The following CCSER1 variants were observed in gnomAD, a reference collection of about 807,000 sequenced individuals.
The protein encoded by CCSER1 is coiled-coil serine rich protein 1.
In CCSER1, 41 loss-of-function variants were observed where a neutral mutation model predicts 82.0. The ratio of observed to expected loss-of-function variants is 0.50; its 90% CI spans 0.39 to 0.65. The LOEUF (loss-of-function observed/expected upper bound fraction) is 0.65. CCSER1 is among the 30% of genes least tolerant of loss of function. The probability of loss-of-function intolerance (pLI) is 0.00; values close to 1 mark genes in which losing one functional copy is unlikely to be tolerated. For synonymous variants in CCSER1, 414 were observed against 383.9 expected (o/e 1.08, Z -0.92); for missense variants, 1,119 against 1,064.2 (o/e 1.05, Z -0.72).
intron 10 of CCSER1, among the ~76,000 whole-genome samples, chr4:91,150,598 G>A (rs965160694): frequency 5.3e-5 from 8 of 152,132 alleles, no homozygotes; most frequent in Non-Finnish European, 7.4e-5. Flanking sequence ...TGCCCATTCA[G>A]TATGTTACTG....
intron 7 of CCSER1, among the ~76,000 whole-genome samples, chr4:90,804,105 GT>G (rs1160137885): frequency 6.6e-6 from 1 of 152,120 alleles, no homozygotes; most frequent in African/African-American, 2.4e-5. Flanking sequence ...GTAGATTCTG[GT>G]TATTACTCCT....
At chr4:90,368,882 A>G (rs1211299795) in intron 3 of CCSER1, among the ~76,000 whole-genome samples, 1 of 152,016 alleles carries the variant, frequency 6.6e-6, no homozygotes, top group African/African-American at 2.4e-5. Context: ...CATTATTAGA[A>G]GCAAAACTTA....
At chr4:90,189,175 G>A (rs9307081) in intron 1 of CCSER1, among the ~76,000 whole-genome samples, 47,077 of 151,620 alleles carry the variant, frequency 0.31, 10,141 homozygotes, top group East Asian at 0.64. Context: ...ATGTTGTCAC[G>A]AGAAGGAAGG....
At chr4:90,429,704 A>G (rs1227125959) in intron 4 of CCSER1, among the ~76,000 whole-genome samples, 1 of 151,830 alleles carries the variant, frequency 6.6e-6, no homozygotes, top group African/African-American at 2.4e-5. Flanking sequence ...TTCAGAAAAT[A>G]TAGAGTGGAC....
intron 9 of CCSER1, among the ~76,000 whole-genome samples, chr4:90,980,782 A>C (rs1736042223): frequency 6.6e-6 from 1 of 151,808 alleles, no homozygotes. Flanking sequence ...CCTGGACCAC[A>C]TAGAATGAGA....
chr4:90,650,828 C>T (rs1419159309), intron 6 of CCSER1, among the ~76,000 whole-genome samples: 1 of 152,138 alleles, frequency 6.6e-6, no homozygotes, highest in African/African-American at 2.4e-5. Flanking sequence ...TTTTCTTCTC[C>T]ATTTCTATAA....
chr4:90,558,979 G>A (rs549293187), intron 5 of CCSER1, among the ~76,000 whole-genome samples: 3 of 152,218 alleles, frequency 2.0e-5, no homozygotes. Context: ...ATGTAGACAA[G>A]GTCTGCTGTA....
At chr4:91,168,872 T>G (rs895839232) in intron 10 of CCSER1, among the ~76,000 whole-genome samples, 1 of 152,184 alleles carries the variant, frequency 6.6e-6, no homozygotes, top group Admixed American at 6.5e-5. Flanking sequence ...TTCTTCTGCC[T>G]TGGGATGCTG....
At chr4:90,759,898 C>T (rs938810016) in intron 7 of CCSER1, among the ~76,000 whole-genome samples, 8 of 151,892 alleles carry the variant, frequency 5.3e-5, no homozygotes, top group Admixed American at 4.6e-4. Context: ...ATTTGACTTA[C>T]AGAAAATTGT....
chr4:90,699,662 T>G (rs551885434), intron 6 of CCSER1, among the ~76,000 whole-genome samples: 2 of 152,304 alleles, frequency 1.3e-5, no homozygotes, highest in South Asian at 4.1e-4. Flanking sequence ...ATGTACAAAG[T>G]ACACTCAAAG....
chr4:91,086,318 A>G (rs1214892424), intron 10 of CCSER1, among the ~76,000 whole-genome samples: 3 of 152,068 alleles, frequency 2.0e-5, no homozygotes, highest in Non-Finnish European at 4.4e-5. Context: ...AATTTTTAAA[A>G]CTGACTTACT....
At chr4:90,439,706 C>G (rs1560519965) in intron 4 of CCSER1, among the ~76,000 whole-genome samples, 2 of 152,152 alleles carry the variant, frequency 1.3e-5, no homozygotes, top group Non-Finnish European at 2.9e-5. Flanking sequence ...ATAGAAGAAT[C>G]TATCCCTAAA....
chr4:90,652,997 T>A (rs996200068), intron 6 of CCSER1, among the ~76,000 whole-genome samples: 2 of 152,170 alleles, frequency 1.3e-5, no homozygotes, highest in African/African-American at 4.8e-5. Context: ...TGCCTGTGAT[T>A]TTTCAGAAAA....
At position 90,307,858 on chromosome 4, in the gene CCSER1, T is replaced by G. The variant is rs960069867; in HGVS notation, c.-41-386T>G. Among the ~76,000 whole-genome samples the G allele has an allele frequency of 4.9e-4, 74 of 152,158 alleles. 1 individual carries two copies. The highest frequency in any genetic ancestry group is 1.7e-3 in the African/African-American group (70 of 41,448). On this transcript the variant is annotated intron_variant, in intron 1 of 10. Transcript: ENST00000509176. ...GCATTTACCCAGACAGAAATTTTTATGTCTGTCACGTGCCTACTGCATCTA... is the reference window on the plus strand; with the variant it reads ...GCATTTACCCAGACAGAAATTTTTAGGTCTGTCACGTGCCTACTGCATCTA...
intron 10 of CCSER1, among the ~76,000 whole-genome samples, chr4:91,180,326 C>G (rs1185699871): frequency 6.6e-6 from 1 of 152,202 alleles, no homozygotes; most frequent in Non-Finnish European, 1.5e-5. Context: ...AACCACTACT[C>G]TCTTCAAAGC....
At chr4:90,360,671 G>A (rs1455590823) in intron 3 of CCSER1, among the ~76,000 whole-genome samples, 1 of 147,456 alleles carries the variant, frequency 6.8e-6, no homozygotes, top group African/African-American at 2.5e-5. Context: ...TATGGTCTTT[G>A]TCTGGTGAGG....
chr4:91,088,725 G>C (rs1723634748), intron 10 of CCSER1, among the ~76,000 whole-genome samples: 1 of 149,548 alleles, frequency 6.7e-6, no homozygotes, highest in African/African-American at 2.4e-5. Context: ...TTAGTAGAAT[G>C]CTATACAAAA....
intron 10 of CCSER1, among the ~76,000 whole-genome samples, chr4:91,491,439 C>G (rs1168673805): frequency 6.6e-6 from 1 of 152,028 alleles, no homozygotes; most frequent in Non-Finnish European, 1.5e-5. Context: ...GTCAGCTATA[C>G]TCATTACCTC....
intron 10 of CCSER1, among the ~76,000 whole-genome samples, chr4:91,323,402 A>G (rs1233353957): frequency 3.3e-5 from 5 of 152,158 alleles, no homozygotes; most frequent in Non-Finnish European, 7.4e-5. Context: ...TCTAGCACCC[A>G]TGGAAATTCT....
Sources: gnomAD v4.1 joint callset for allele counts (sites outside exome capture counted in the v4.1 genomes callset) on GRCh38, gnomAD v4.1.1 for gene constraint, MANE v1.5 for transcripts, NCBI Gene and HGNC (gene_info 2026-07-23, HGNC 2026-07-21) for gene names.